Variants in AUTS2 observed in about 807,000 individuals in gnomAD.
AUTS2 encodes the protein autism susceptibility gene 2 protein.
Under a neutral mutation model 112.4 loss-of-function variants are expected in AUTS2, and 17 were observed. That is an observed-to-expected ratio of 0.15 (90% CI 0.10 to 0.23). AUTS2 has a LOEUF of 0.23. Among genes scored for constraint, AUTS2 ranks in the 10% least tolerant of loss-of-function variants. AUTS2 has a pLI of 1.00. For synonymous variants in AUTS2, 751 were observed against 702.7 expected, an observed-to-expected ratio of 1.07 and a Z score of -1.09; for missense variants, 1,510 against 1,701.6, an observed-to-expected ratio of 0.89 and a Z score of 1.98.
At chr7:70,303,932 C>A (rs1789364233) in intron 4 of AUTS2, among the ~76,000 whole-genome samples, 1 of 152,172 alleles carries the variant, frequency 6.6e-6, no homozygotes, top group Non-Finnish European at 1.5e-5. Flanking sequence ...TATATCCTAA[C>A]CACATTCCTT....
At chr7:70,180,350 A>G (rs1809230809) in intron 4 of AUTS2, among the ~76,000 whole-genome samples, 1 of 152,230 alleles carries the variant, frequency 6.6e-6, no homozygotes, top group Non-Finnish European at 1.5e-5. Context: ...TTCAATTTTT[A>G]AGAATTCAAG....
chr7:70,428,713 T>C (rs1173030912), intron 4 of AUTS2, among the ~76,000 whole-genome samples: 1 of 152,206 alleles, frequency 6.6e-6, no homozygotes, highest in Non-Finnish European at 1.5e-5. Context: ...ACGAAATAAC[T>C]GTTCCAGCAA....
chr7:69,936,511 G>A (rs559360005), intron 2 of AUTS2, among the ~76,000 whole-genome samples: 3 of 152,060 alleles, frequency 2.0e-5, no homozygotes, highest in East Asian at 3.9e-4. Context: ...CACCACACCC[G>A]GCTAATTTTT....
chr7:70,243,234 TG>T (rs1812719908), intron 4 of AUTS2, among the ~76,000 whole-genome samples: 5 of 14,162 alleles, frequency 3.5e-4, no homozygotes, highest in South Asian at 1.2e-3. Context: ...TGTATCCTTG[TG>T]TGTGTGTGTG....
At chr7:70,667,921 T>C (rs1358951449) in intron 5 of AUTS2, among the ~76,000 whole-genome samples, 1 of 152,240 alleles carries the variant, frequency 6.6e-6, no homozygotes, top group African/African-American at 2.4e-5. Flanking sequence ...TCCCAAACTC[T>C]AGCATGCATC....
chr7:70,065,521 C>G (rs962212856), intron 2 of AUTS2, among the ~76,000 whole-genome samples: 1 of 151,910 alleles, frequency 6.6e-6, no homozygotes, highest in African/African-American at 2.4e-5. Flanking sequence ...TGGTGAAACC[C>G]CATCCCTACT....
chr7:70,539,011 C>T (rs1800436339), intron 5 of AUTS2, among the ~76,000 whole-genome samples: 1 of 152,048 alleles, frequency 6.6e-6, no homozygotes, highest in African/African-American at 2.4e-5. Context: ...GTAACATAGC[C>T]CCCTCTGGTA....
chr7:69,684,862 A>C (rs1796992082), intron 1 of AUTS2, among the ~76,000 whole-genome samples: 1 of 152,154 alleles, frequency 6.6e-6, no homozygotes, highest in African/African-American at 2.4e-5. Flanking sequence ...AGTTGTTGTG[A>C]GATGGATTTT....
At chr7:69,940,520 A>G (rs1337284937) in intron 2 of AUTS2, among the ~76,000 whole-genome samples, 1 of 152,160 alleles carries the variant, frequency 6.6e-6, no homozygotes. Context: ...AGTGTGTGTC[A>G]TGGAGTGATG....
intron 2 of AUTS2, among the ~76,000 whole-genome samples, chr7:70,002,654 G>A (rs545668488): frequency 4.6e-5 from 7 of 152,090 alleles, no homozygotes; most frequent in African/African-American, 9.7e-5. Flanking sequence ...ATTTTTAGAC[G>A]ACACTTACAG....
chr7:70,113,765 T>C (rs925626645), intron 2 of AUTS2, among the ~76,000 whole-genome samples: 1 of 152,206 alleles, frequency 6.6e-6, no homozygotes, highest in Non-Finnish European at 1.5e-5. Context: ...TGACACCTAC[T>C]GGGCAAGTAG....
intron 4 of AUTS2, among the ~76,000 whole-genome samples, chr7:70,168,348 G>A (rs967665707): frequency 2.6e-5 from 4 of 152,158 alleles, no homozygotes; most frequent in Non-Finnish European, 5.9e-5. Context: ...GGAAGCATTA[G>A]GGCAGACGCC....
chr7:69,714,300 G>A (rs919536079), intron 1 of AUTS2, among the ~76,000 whole-genome samples: 5 of 145,066 alleles, frequency 3.4e-5, no homozygotes, highest in African/African-American at 1.4e-4. Context: ...TAGAGACCAA[G>A]TCTCCCTATG....
intron 4 of AUTS2, among the ~76,000 whole-genome samples, chr7:70,267,152 C>G (rs1787467932): frequency 6.6e-6 from 1 of 152,142 alleles, no homozygotes; most frequent in African/African-American, 2.4e-5. Flanking sequence ...CTTTCCTGTT[C>G]TCTTTCAGTT....
intron 2 of AUTS2, among the ~76,000 whole-genome samples, chr7:69,984,406 C>CAAAAA (rs34689325): frequency 2.5e-5 from 2 of 80,606 alleles, no homozygotes; most frequent in African/African-American, 4.8e-5. Flanking sequence ...GACTCTGTCT[C>CAAAAA]AAAAAAAAAA....
At chr7:70,508,275 G>C (rs1020417443) in intron 5 of AUTS2, among the ~76,000 whole-genome samples, 1 of 152,080 alleles carries the variant, frequency 6.6e-6, no homozygotes, top group Non-Finnish European at 1.5e-5. Flanking sequence ...AAAAAGGAGG[G>C]GGGTAGGGAG....
intron 4 of AUTS2, among the ~76,000 whole-genome samples, chr7:70,238,609 A>G (rs900796325): frequency 5.9e-5 from 9 of 151,710 alleles, no homozygotes; most frequent in African/African-American, 2.2e-4. Flanking sequence ...CATGCTTTAC[A>G]TTTTATGTCT....
intron 2 of AUTS2, among the ~76,000 whole-genome samples, chr7:69,945,593 T>G (rs185054683): frequency 4.6e-5 from 7 of 152,272 alleles, no homozygotes; most frequent in Non-Finnish European, 8.8e-5. Context: ...CCTTGCATAG[T>G]TACCATTTTT....
intron 1 of AUTS2, among the ~76,000 whole-genome samples, chr7:69,614,526 T>G (rs1793260940): frequency 6.6e-6 from 1 of 151,836 alleles, no homozygotes; most frequent in Non-Finnish European, 1.5e-5. Context: ...TTTTTAATTT[T>G]TTTTTGTAGA....
Sources: allele counts gnomAD v4.1 joint callset (sites outside exome capture counted in the v4.1 genomes callset), GRCh38; gene constraint gnomAD v4.1.1; transcripts MANE v1.5; gene names NCBI Gene and HGNC (gene_info 2026-07-23, HGNC 2026-07-21).